CADPS: variants seen among roughly 807,000 people sequenced by gnomAD.
CADPS encodes the protein calcium-dependent secretion activator 1.
CADPS carries 57 observed loss-of-function variants against 167.3 expected under a neutral mutation model. The observed-to-expected ratio is 0.34, with a 90% CI of 0.28 to 0.42. CADPS has a LOEUF of 0.42. CADPS is among the 20% of genes least tolerant of loss of function. The probability of loss-of-function intolerance (pLI) is 1.00; values close to 1 mark genes in which losing one functional copy is unlikely to be tolerated. For missense variants in CADPS, 1,414 were observed against 1,738.1 expected (o/e 0.81, Z 3.32); for synonymous variants, 676 against 635.3 (o/e 1.06, Z -0.96).
chr3:62,444,343 C>A (rs1302070177), intron 27 of CADPS, among the ~76,000 whole-genome samples: 1 of 152,200 alleles, frequency 6.6e-6, no homozygotes, highest in East Asian at 1.9e-4. Context: ...TTCTCCTGGA[C>A]TGAAATTCCT....
At chr3:62,670,731 A>G (rs2075358818) in intron 3 of CADPS, among the ~76,000 whole-genome samples, 1 of 152,118 alleles carries the variant, frequency 6.6e-6, no homozygotes, top group Non-Finnish European at 1.5e-5. Flanking sequence ...ATGATCCTGT[A>G]GTGCTCAACC....
At chr3:62,719,822 T>A (rs909705680) in intron 3 of CADPS, among the ~76,000 whole-genome samples, 3 of 152,192 alleles carry the variant, frequency 2.0e-5, no homozygotes, top group Admixed American at 2.0e-4. Context: ...ACGGTAGGAT[T>A]TGACTACTTT....
chr3:62,522,676 C>T (rs114733344), intron 13 of CADPS, among the ~76,000 whole-genome samples: 18 of 152,226 alleles, frequency 1.2e-4, no homozygotes, highest in Non-Finnish European at 2.1e-4. Flanking sequence ...TCCTTCACAA[C>T]GTTCCAAATT....
intron 6 of CADPS, among the ~76,000 whole-genome samples, chr3:62,609,420 C>T (rs1297045758): frequency 6.6e-6 from 1 of 152,168 alleles, no homozygotes; most frequent in Non-Finnish European, 1.5e-5. Context: ...GTTTCCACCA[C>T]ATTGAGTGAG....
chr3:62,865,100 C>G (rs2081442745), intron 1 of CADPS, among the ~76,000 whole-genome samples: 1 of 152,140 alleles, frequency 6.6e-6, no homozygotes, highest in Non-Finnish European at 1.5e-5. Flanking sequence ...AGTTGCTATA[C>G]TTGTCAGAAA....
intron 3 of CADPS, among the ~76,000 whole-genome samples, chr3:62,748,686 A>G (rs2082065556): frequency 6.6e-6 from 1 of 152,182 alleles, no homozygotes; most frequent in Admixed American, 6.5e-5. Flanking sequence ...CTCAGATAAT[A>G]AAACCTATTC....
chr3:62,831,252 A>T (rs967138401), intron 1 of CADPS, among the ~76,000 whole-genome samples: 1 of 152,168 alleles, frequency 6.6e-6, no homozygotes, highest in South Asian at 2.1e-4. Context: ...CGAAGTAAAC[A>T]TTATCTTCAT....
chr3:62,532,744 T>C, intron 13 of CADPS, 127 bp downstream of exon 13: 5 of 650,512 alleles, frequency 7.7e-6, no homozygotes, highest in Non-Finnish European at 1.1e-5. Context: ...TGTGTGTGTG[T>C]GTGTGTACGT....
intron 1 of CADPS, among the ~76,000 whole-genome samples, chr3:62,834,638 A>G (rs904375175): frequency 2.6e-5 from 4 of 152,160 alleles, no homozygotes; most frequent in African/African-American, 7.2e-5. Context: ...GCTTAGATAC[A>G]ATATTCCTAC....
Position 62,536,499 on chromosome 3 carries a change from C to A in CADPS, c.2049G>T (p.Glu683Asp). 1 of 1,613,408 alleles carries A rather than the reference C, an allele frequency of 6.2e-7. No individual in the cohort carries two copies. The highest frequency in any genetic ancestry group is 8.5e-7 in the Non-Finnish European group (1 of 1,179,466). The change falls in exon 12 of 30, where the codon GAG becomes GAT. Residue 683 changes from glutamate (E) to aspartate (D), a missense_variant. Coordinates refer to ENST00000383710, the MANE Select transcript of CADPS (RefSeq NM_003716.4). ...PCNFDHASLF[E>D]MVQRLTLDHR... Reference sequence around the variant, plus strand: ...GATCCAAAGTAAGGCGTTGTACCATCTCAAAGAGGGAAGCGTGGTCAAAGT... The same window carrying A: ...GATCCAAAGTAAGGCGTTGTACCATATCAAAGAGGGAAGCGTGGTCAAAGT...
intron 1 of CADPS, among the ~76,000 whole-genome samples, chr3:62,825,556 A>G (rs1359339321): frequency 6.6e-6 from 1 of 152,140 alleles, no homozygotes; most frequent in Non-Finnish European, 1.5e-5. Flanking sequence ...TGGAGTAGGC[A>G]CTGTTATCTC....
At chr3:62,700,711 G>A (rs907645392) in intron 3 of CADPS, among the ~76,000 whole-genome samples, 1 of 152,044 alleles carries the variant, frequency 6.6e-6, no homozygotes, top group African/African-American at 2.4e-5. Flanking sequence ...ACTCTATGAA[G>A]GACATCCCAT....
chr3:62,836,379 C>T (rs1309953704), intron 1 of CADPS, among the ~76,000 whole-genome samples: 1 of 152,106 alleles, frequency 6.6e-6, no homozygotes, highest in Non-Finnish European at 1.5e-5. Context: ...CCTCCAATAG[C>T]ACTTGGTCTG....
At chr3:62,585,878 C>G (rs536327156) in intron 7 of CADPS, among the ~76,000 whole-genome samples, 6 of 152,334 alleles carry the variant, frequency 3.9e-5, no homozygotes, top group Non-Finnish European at 8.8e-5. Flanking sequence ...GCCTGGAAAT[C>G]TTATCACACA....
rs576894992 is a variant in CADPS, at chr3:62,653,556, CTG to C, written c.970-2478_970-2477del. Among the ~76,000 whole-genome samples the C allele has an allele frequency of 4.4e-3, 677 of 152,228 alleles. 5 individuals are homozygous for C. The highest frequency in any genetic ancestry group is 0.015 in the African/African-American group (638 of 41,542). The stretch of plus-strand genomic sequence containing the variant: ...ATCAATTGTGGAATTTGTTTAATTT[CTG>C]TCTTTCCTGCTGGGCAATGATTCAG... On this transcript the variant is annotated intron_variant, in intron 4 of 29. Coordinates refer to ENST00000383710, the MANE Select transcript of CADPS (RefSeq NM_003716.4).
At chr3:62,866,087 T>C (rs543207074) in intron 1 of CADPS, among the ~76,000 whole-genome samples, 1 of 152,298 alleles carries the variant, frequency 6.6e-6, no homozygotes, top group East Asian at 1.9e-4. Context: ...ACACACACTA[T>C]GGTGATTCAA....
intron 28 of CADPS, among the ~76,000 whole-genome samples, chr3:62,436,079 T>C (rs1376387284): frequency 6.6e-6 from 1 of 152,096 alleles, no homozygotes; most frequent in African/African-American, 2.4e-5. Flanking sequence ...ACTTTTCCTT[T>C]TTAAATGAAG....
chr3:62,519,590 G>C (rs1020997417), intron 13 of CADPS, among the ~76,000 whole-genome samples: 1 of 151,930 alleles, frequency 6.6e-6, no homozygotes, highest in African/African-American at 2.4e-5. Flanking sequence ...CAAATTCTCT[G>C]GTAAATCTCA....
intron 17 of CADPS, among the ~76,000 whole-genome samples, chr3:62,501,499 A>G (rs1021158330): frequency 2.0e-5 from 3 of 152,178 alleles, no homozygotes; most frequent in Non-Finnish European, 4.4e-5. Context: ...CTTATTACCC[A>G]TTCGACACAT....
Sources: allele counts gnomAD v4.1 joint callset (sites outside exome capture counted in the v4.1 genomes callset), GRCh38; gene constraint gnomAD v4.1.1; transcripts MANE v1.5; gene names NCBI Gene and HGNC (gene_info 2026-07-23, HGNC 2026-07-21).